GHR: variants seen among roughly 807,000 people sequenced by gnomAD.
The protein encoded by GHR is GH receptor.
A neutral mutation model predicts 67.1 loss-of-function variants in GHR; 35 were observed. The ratio of observed to expected loss-of-function variants is 0.52; its 90% CI spans 0.40 to 0.69. GHR has a LOEUF of 0.69. GHR is among the 30% of genes least tolerant of loss of function. The pLI, the probability that GHR is intolerant of heterozygous loss-of-function variation, is 0.00. For missense variants in GHR, 792 were observed against 764.6 expected, an observed-to-expected ratio of 1.04 and a Z score of -0.42; for synonymous variants, 272 against 269.1, an observed-to-expected ratio of 1.01 and a Z score of -0.10.
chr5:42,549,592 G>A, intron 1 of GHR: 6 of 696,090 alleles, frequency 8.6e-6, no homozygotes, highest in Non-Finnish European at 8.8e-6. Flanking sequence ...AGTGAGAAGA[G>A]TATAGGAGGC....
At chr5:42,474,334 A>AG in intron 1 of GHR, among the ~76,000 whole-genome samples, 4 of 148,262 alleles carry the variant, frequency 2.7e-5, no homozygotes, top group Admixed American at 2.0e-4. Flanking sequence ...AGAAAGAAAG[A>AG]AAGAAAAGAA....
At chr5:42,611,371 A>T (rs1752883055) in intron 2 of GHR, among the ~76,000 whole-genome samples, 2 of 152,090 alleles carry the variant, frequency 1.3e-5, no homozygotes, top group Non-Finnish European at 2.9e-5. Flanking sequence ...TTACCATTGC[A>T]CTTTATCCTG....
chr5:42,437,994 T>A (rs565277914), intron 1 of GHR, among the ~76,000 whole-genome samples: 10 of 152,302 alleles, frequency 6.6e-5, no homozygotes, highest in Non-Finnish European at 1.2e-4. Context: ...AAAATCGCAT[T>A]AGCTTTTTGG....
rs1754010299 is a variant in GHR at position 42,633,126 on chromosome 5, G to A, written c.136+4023G>A. 2.6e-5 allele frequency among the ~76,000 whole-genome samples: 4 copies of A among 151,968 alleles called. No individual in the cohort carries two copies. The South Asian group carries it at 8.3e-4, about 32-fold the overall frequency. On this transcript the variant is annotated intron_variant, in intron 3 of 9. Transcript: ENST00000230882. ...ATTAGATGATTGCACATCTTTCTGA[G>A]GGAGATTTTTCCCCTATTTTTAAAA... is the stretch of plus-strand genomic sequence containing the variant.
intron 1 of GHR, among the ~76,000 whole-genome samples, chr5:42,453,151 G>A (rs1436396833): frequency 6.6e-6 from 1 of 151,834 alleles, no homozygotes; most frequent in Non-Finnish European, 1.5e-5. Context: ...TGAAGACTCT[G>A]TACGAGATCC....
At chr5:42,503,360 A>G (rs1746622403) in intron 1 of GHR, among the ~76,000 whole-genome samples, 1 of 152,234 alleles carries the variant, frequency 6.6e-6, no homozygotes, top group South Asian at 2.1e-4. Flanking sequence ...ACAAGACAAG[A>G]CAAAACAAAA....
chr5:42,636,445 GTTGGTTGTGACCTTT>G (rs1008005416), intron 3 of GHR, among the ~76,000 whole-genome samples: 3 of 152,166 alleles, frequency 2.0e-5, no homozygotes, highest in African/African-American at 4.8e-5. Flanking sequence ...GCATCCAACA[GTTGGTTGTGACCTTT>G]TTGGTTGTGA....
chr5:42,686,943 C>T (rs1757184309), intron 3 of GHR, among the ~76,000 whole-genome samples: 1 of 152,116 alleles, frequency 6.6e-6, no homozygotes, highest in Admixed American at 6.5e-5. Context: ...CGTCTCAGCC[C>T]AAAATCTCCT....
intron 1 of GHR, among the ~76,000 whole-genome samples, chr5:42,505,065 T>G (rs1267476764): frequency 6.6e-6 from 1 of 151,720 alleles, no homozygotes; most frequent in African/African-American, 2.4e-5. Flanking sequence ...ACTACGTGCC[T>G]CTTAGGCTTG....
At chr5:42,718,302 T>TA (rs907991611) in intron 9 of GHR, 151 bp from the exon 10 acceptor site, 12 of 740,772 alleles carry the variant, frequency 1.6e-5, no homozygotes, top group African/African-American at 9.2e-5. Context: ...CATATGTATT[T>TA]AAAAAGTTAC....
At chr5:42,585,786 G>T (rs2112574028) in intron 2 of GHR, among the ~76,000 whole-genome samples, 1 of 151,826 alleles carries the variant, frequency 6.6e-6, no homozygotes, top group South Asian at 2.1e-4. Context: ...AAAAAAAGGA[G>T]CTAGTAAGAT....
intron 3 of GHR, among the ~76,000 whole-genome samples, chr5:42,637,652 G>T (rs1044842709): frequency 2.0e-5 from 3 of 152,112 alleles, no homozygotes; most frequent in African/African-American, 7.2e-5. Context: ...TTTTATGGCT[G>T]CATAGCTTTT....
chr5:42,584,751 T>G (rs977507751), intron 2 of GHR, among the ~76,000 whole-genome samples: 1 of 151,772 alleles, frequency 6.6e-6, no homozygotes, highest in Non-Finnish European at 1.5e-5. Context: ...GTTAGAACAC[T>G]CATACAGATT....
intron 2 of GHR, among the ~76,000 whole-genome samples, chr5:42,567,767 C>CCGTGTG (rs1750027443): frequency 7.1e-6 from 1 of 140,730 alleles, no homozygotes. Context: ...ATGCTTGGCT[C>CCGTGTG]TGTGTGTGTG....
intron 1 of GHR, among the ~76,000 whole-genome samples, chr5:42,479,328 A>T (rs1045513482): frequency 6.6e-6 from 1 of 152,144 alleles, no homozygotes; most frequent in Admixed American, 6.5e-5. Context: ...TTCATCAAGG[A>T]TATTGGTCTA....
rs76193541 is a variant in GHR at position 42,677,819 on chromosome 5, G to A, written c.137-11071G>A. ...TGTAGCCCAGGAAAGCCAAAAGATT[G>A]GACACCTATACTTTGGATGTTTCAT... On this transcript the variant is annotated intron_variant, in intron 3 of 9. Transcript: ENST00000230882. 2.1e-3 allele frequency among the ~76,000 whole-genome samples: 318 copies of A among 152,086 alleles called. 1 individual carries two copies. Among genetic ancestry groups the A allele is most frequent in the African/African-American group, 7.4e-3 (307 of 41,460 alleles).
At chr5:42,583,715 C>T (rs1198032763) in intron 2 of GHR, among the ~76,000 whole-genome samples, 1 of 152,144 alleles carries the variant, frequency 6.6e-6, no homozygotes, top group Non-Finnish European at 1.5e-5. Flanking sequence ...ACCTGGAAAA[C>T]ATTACCCTTG....
intron 2 of GHR, among the ~76,000 whole-genome samples, chr5:42,577,829 A>C (rs1366229639): frequency 6.6e-6 from 1 of 152,220 alleles, no homozygotes; most frequent in African/African-American, 2.4e-5. Context: ...TGCGTCCAAC[A>C]GTTCGGAATC....
At chr5:42,679,152 T>TAAA (rs1756724497) in intron 3 of GHR, among the ~76,000 whole-genome samples, 1 of 145,782 alleles carries the variant, frequency 6.9e-6, no homozygotes, top group Admixed American at 7.0e-5. Context: ...ATATATTGTA[T>TAAA]ATTATATATT....
Sources: gnomAD v4.1 joint callset for allele counts (sites outside exome capture counted in the v4.1 genomes callset) on GRCh38, gnomAD v4.1.1 for gene constraint, MANE v1.5 for transcripts, NCBI Gene and HGNC (gene_info 2026-07-23, HGNC 2026-07-21) for gene names.